The following PLCB4 variants were observed in gnomAD, a reference collection of about 807,000 sequenced individuals.
PLCB4 encodes the protein phospholipase C beta 4.
A neutral mutation model predicts 178.8 loss-of-function variants in PLCB4; 77 were observed. The ratio of observed to expected loss-of-function variants is 0.43; its 90% CI spans 0.36 to 0.52. PLCB4 has a LOEUF of 0.52. Ranked by LOEUF, PLCB4 falls within the 20% of genes least tolerant of loss-of-function variation. The probability of loss-of-function intolerance (pLI) is 0.00; values close to 1 mark genes in which losing one functional copy is unlikely to be tolerated. For synonymous variants in PLCB4, 496 were observed against 490.8 expected (o/e 1.01, Z -0.14); for missense variants, 1,024 against 1,453.4 (o/e 0.70, Z 4.80).
chr20:9,102,669 C>T (rs1466673847), intron 2 of PLCB4, among the ~76,000 whole-genome samples: 1 of 152,096 alleles, frequency 6.6e-6, no homozygotes, highest in Non-Finnish European at 1.5e-5. Flanking sequence ...GAAATAACTA[C>T]TTATGTTAAC....
At chr20:9,086,883 T>A (rs944646825) in intron 1 of PLCB4, among the ~76,000 whole-genome samples, 1 of 152,250 alleles carries the variant, frequency 6.6e-6, no homozygotes, top group African/African-American at 2.4e-5. Flanking sequence ...GGGCTTAGGC[T>A]TCTAGAACTA....
intron 2 of PLCB4, among the ~76,000 whole-genome samples, chr20:9,098,914 G>A (rs888411614): frequency 3.3e-5 from 5 of 150,054 alleles, no homozygotes; most frequent in African/African-American, 4.9e-5. Context: ...ACTGTCTGGC[G>A]ACGTATATAT....
rs772407798 is a variant in PLCB4 at position 9,384,197 on chromosome 20, C to T, written c.854-4C>T. On this transcript the variant is annotated splice_polypyrimidine_tract_variant and splice_region_variant and intron_variant, in intron 13 of 39. Transcript: ENST00000378473. ...GTGCTACTAAGATGTTCTTTTTCCC[C>T]TAGGCCTTATATCAAGTGATGGGTT... 2.5e-5 allele frequency: 41 copies of T among 1,608,296 alleles called. 1 individual carries two copies. In the South Asian group the frequency reaches 3.8e-4, roughly 15 times the overall value.
At chr20:9,182,131 A>G (rs1364345164) in intron 2 of PLCB4, among the ~76,000 whole-genome samples, 2 of 152,210 alleles carry the variant, frequency 1.3e-5, no homozygotes, top group Non-Finnish European at 2.9e-5. Flanking sequence ...TGAATTGATC[A>G]TTAGCTGGAG....
At chr20:9,072,473 G>A (rs4816115) in intron 1 of PLCB4, among the ~76,000 whole-genome samples, 94,695 of 151,784 alleles carry the variant, frequency 0.62, 29,657 homozygotes, top group South Asian at 0.72. Flanking sequence ...AGCTAACCAA[G>A]TATAAAAATG....
At chr20:9,351,892 G>A (rs2034378562) in intron 7 of PLCB4, among the ~76,000 whole-genome samples, 1 of 152,212 alleles carries the variant, frequency 6.6e-6, no homozygotes, top group Admixed American at 6.5e-5. Flanking sequence ...CAGGAAGAAT[G>A]TGACCGATAA....
intron 3 of PLCB4, among the ~76,000 whole-genome samples, chr20:9,271,833 G>T (rs996433868): frequency 5.9e-5 from 9 of 151,972 alleles, no homozygotes; most frequent in African/African-American, 1.4e-4. Context: ...GGGGCTTTTA[G>T]GGTTGTGCTT....
At chr20:9,457,697 TTTGTC>T (rs1383114901) in intron 34 of PLCB4, among the ~76,000 whole-genome samples, 1 of 152,186 alleles carries the variant, frequency 6.6e-6, no homozygotes, top group Non-Finnish European at 1.5e-5. Flanking sequence ...AACATCTTCT[TTTGTC>T]TTGTCTGTTG....
chr20:9,244,413 A>G (rs2094102252), intron 3 of PLCB4, among the ~76,000 whole-genome samples: 1 of 152,210 alleles, frequency 6.6e-6, no homozygotes, highest in Non-Finnish European at 1.5e-5. Context: ...TAATCTGATG[A>G]CTAGTTTTTA....
chr20:9,307,269 G>A (rs376348841), intron 3 of PLCB4, among the ~76,000 whole-genome samples: 16 of 152,162 alleles, frequency 1.1e-4, no homozygotes, highest in African/African-American at 3.9e-4. Context: ...AAGGGGTAGG[G>A]GAAAGGGAGC....
intron 2 of PLCB4, among the ~76,000 whole-genome samples, chr20:9,189,858 A>G (rs1015484557): frequency 5.3e-5 from 8 of 152,102 alleles, no homozygotes; most frequent in African/African-American, 1.9e-4. Context: ...TAGACCCATC[A>G]TGGCTCAGTC....
At chr20:9,092,183 G>T (rs2090713498) in intron 1 of PLCB4, among the ~76,000 whole-genome samples, 1 of 152,142 alleles carries the variant, frequency 6.6e-6, no homozygotes, top group African/African-American at 2.4e-5. Context: ...TGTGAGACAG[G>T]TTAAGACTGT....
rs544413812 is a variant in PLCB4, at chr20:9,099,964, C to T, written c.-79+3622C>T. On this transcript the variant is annotated intron_variant, in intron 2 of 39. Transcript: ENST00000378473. ...TCCTTTTCCTGAATTTGGGGGCATT[C>T]GTCATTGTGTGAAGCTGGGTGGATA... Among the ~76,000 whole-genome samples the T allele has an allele frequency of 4.6e-5, 7 of 152,234 alleles. No individual in the cohort carries two copies. In the South Asian group the frequency reaches 1.0e-3, roughly 23 times the overall value.
chr20:9,303,554 T>A (rs980386219), intron 3 of PLCB4, among the ~76,000 whole-genome samples: 14 of 152,238 alleles, frequency 9.2e-5, no homozygotes, highest in African/African-American at 3.4e-4. Flanking sequence ...TCACTGTGTA[T>A]AATACACCAC....
intron 2 of PLCB4, among the ~76,000 whole-genome samples, chr20:9,186,093 T>G (rs2093325071): frequency 6.6e-6 from 1 of 152,188 alleles, no homozygotes; most frequent in Non-Finnish European, 1.5e-5. Context: ...TCATTCATAG[T>G]AGTGATTCAG....
chr20:9,117,998 C>T lies in PLCB4; in HGVS notation c.-79+21656C>T, dbSNP rs975903096. Among the ~76,000 whole-genome samples, 19 of 151,528 alleles carry T rather than the reference C, an allele frequency of 1.3e-4. No homozygotes were observed. In the East Asian group the frequency reaches 3.7e-3, roughly 29 times the overall value. On this transcript the variant is annotated intron_variant, in intron 2 of 39. Transcript: ENST00000378473. ...TTTCTTTGTTTACCATTGGCTTCTT[C>T]AAGTAGAATATAAAGTCCTCAAAAA... is the stretch of plus-strand genomic sequence containing the variant.
chr20:9,422,042 T>G (rs767147599), intron 27 of PLCB4, among the ~76,000 whole-genome samples: 49 of 152,202 alleles, frequency 3.2e-4, no homozygotes, highest in Non-Finnish European at 7.3e-5. Context: ...CTTATTCACC[T>G]TTTCCCTTGG....
At chr20:9,072,149 C>T (rs1343334583) in intron 1 of PLCB4, among the ~76,000 whole-genome samples, 5 of 152,136 alleles carry the variant, frequency 3.3e-5, no homozygotes, top group African/African-American at 1.2e-4. Flanking sequence ...AGCTTTTCAT[C>T]GCTGGTGGGA....
At chr20:9,110,127 T>C (rs191363734) in intron 2 of PLCB4, among the ~76,000 whole-genome samples, 17 of 152,302 alleles carry the variant, frequency 1.1e-4, no homozygotes, top group African/African-American at 3.4e-4. Flanking sequence ...GTAGAACGTT[T>C]TGAAACTCCG....
Sources: gnomAD v4.1 joint callset for allele counts (sites outside exome capture counted in the v4.1 genomes callset) on GRCh38, gnomAD v4.1.1 for gene constraint, MANE v1.5 for transcripts, NCBI Gene and HGNC (gene_info 2026-07-23, HGNC 2026-07-21) for gene names.